Variants in COL7A1 observed in about 807,000 individuals in gnomAD.
The protein encoded by COL7A1 is collagen type VII alpha 1 chain, also known as collagen alpha-1(VII) chain.
Under a neutral mutation model 456.2 loss-of-function variants are expected in COL7A1, and 296 were observed. That is an observed-to-expected ratio of 0.65 (90% confidence interval 0.59 to 0.71). The LOEUF is 0.71. Among genes scored for constraint, COL7A1 ranks in the 30% least tolerant of loss-of-function variants. The pLI is 0.00. For synonymous variants in COL7A1, 1,464 were observed against 1,525.9 expected (o/e 0.96, Z 0.95); for missense variants, 3,441 against 4,017.2 (o/e 0.86, Z 3.88).
chr3:48,571,750 C>T lies in COL7A1; in HGVS notation c.7068+251G>A, dbSNP rs2043934203. The T allele has an allele frequency of 6.3e-6, 4 of 631,994 alleles. No homozygotes were observed. The highest frequency in any genetic ancestry group is 5.4e-5 in the African/African-American group (3 of 55,212). The allele number at this position is 631,994 out of a possible 1,614,324, so 39.1% of individuals were successfully genotyped here. A position where few individuals can be genotyped will look rare whatever the true frequency, so the allele number is the denominator to read the frequency against. On this transcript the variant is annotated intron_variant, in intron 92 of 118. Coordinates refer to ENST00000681320, the MANE Select transcript of COL7A1 (RefSeq NM_000094.4). This position sits in a 1 kb window ranked among gnomAD's most constrained non-coding sequence, Gnocchi z 4.6. ...GGATCTGGGAGATCAGACCAGAGCA[C>T]ACGTGTGCCCAGATGTGGTGAGAAA... is the stretch of plus-strand genomic sequence containing the variant.
chr3:48,580,448 G>T lies in COL7A1; in HGVS notation c.5053-104C>A. On this transcript the variant is annotated intron_variant, in intron 55 of 118. Transcript: ENST00000681320. The surrounding 1 kb of genome is among the most constrained non-coding windows in gnomAD (Gnocchi z 4.5). ...GGGAATGTTGGTAGCCTTCAGATGC[G>T]TGTGTGCAGGGGTCAAAGGAAGTGA... The T allele has an allele frequency of 6.8e-7, 1 of 1,474,606 alleles. No homozygotes were observed. The highest frequency in any genetic ancestry group is 9.4e-7 in the Non-Finnish European group (1 of 1,068,172). 91.3% of individuals were successfully genotyped at this position (1,474,606 alleles called of 1,614,324 possible).
chr3:48,585,072 G>A lies in COL7A1; in HGVS notation c.3939C>T (p.Ala1313=), dbSNP rs141825319. The change falls in exon 33 of 119, where the codon GCC becomes GCT. Residue 1313 remains alanine (A), a synonymous_variant. Transcript: ENST00000681320. This position sits in a 1 kb window ranked among gnomAD's most constrained non-coding sequence, Gnocchi z 4.5. ...ADGRPGSPGR[A]GNPGTPGAPG... The stretch of plus-strand genomic sequence containing the variant: ...GGGCTCCAGGGGTCCCAGGATTCCC[G>A]GCGCGGCCAGGGCTGCCTGGACGCC... 3.7e-5 allele frequency: 59 copies of A among 1,612,252 alleles called. 1 individual carries two copies. Among genetic ancestry groups the A allele is most frequent in the Admixed American group, 1.2e-4 (7 of 59,980 alleles).
At position 48,590,241 on chromosome 3, in the gene COL7A1, G is replaced by C; in HGVS notation, c.2022C>G (p.Gly674=). The stretch of plus-strand genomic sequence containing the variant: ...TTCGAGCCACGATGACTGCAGCAGG[G>C]CCCTCCTCTCTGCCTCGCAGTACCG... The part of the protein sequence containing the change: ...AVSVLRGREE[G]PAAVIVARTD... Residue 674 remains glycine, a synonymous_variant, in exon 16 of 119, where the codon GGC becomes GGG. Coordinates refer to ENST00000681320, the MANE Select transcript of COL7A1 (RefSeq NM_000094.4). This position sits in a 1 kb window ranked among gnomAD's most constrained non-coding sequence, Gnocchi z 4.6. 2.5e-6 allele frequency: 4 copies of C among 1,613,688 alleles called. No individual in the cohort carries two copies. Among genetic ancestry groups the C allele is most frequent in the Non-Finnish European group, 3.4e-6 (4 of 1,179,950 alleles).
Position 48,567,355 on chromosome 3 carries a change from C to T in COL7A1, c.8047-165G>A, listed in dbSNP as rs1160532427. 1 of 968,032 alleles carries T rather than the reference C, an allele frequency of 1.0e-6. No homozygotes were observed. The highest frequency in any genetic ancestry group is 1.6e-6 in the Non-Finnish European group (1 of 626,934). The allele number at this position is 968,032 out of a possible 1,614,324, so 60.0% of individuals were successfully genotyped here. ...CCCATGACTCCAACTCCACTATAGC[C>T]CCCTGCCCTGATGCACATGCCCCCT... On this transcript the variant is annotated intron_variant, in intron 109 of 118. Transcript: ENST00000681320. The surrounding 1 kb of genome is among the most constrained non-coding windows in gnomAD (Gnocchi z 4.3).
chr3:48,565,265 C>T lies in COL7A1; in HGVS notation c.8528-64G>A, dbSNP rs1392033446. ...TGGCCCCGGGGCAAGGTGGGCAGCA[C>T]TGATTTCCACTGTGTGCACACAGTG... On this transcript the variant is annotated intron_variant, in intron 116 of 118. Coordinates refer to ENST00000681320, the MANE Select transcript of COL7A1 (RefSeq NM_000094.4). The surrounding 1 kb of genome is among the most constrained non-coding windows in gnomAD (Gnocchi z 4.5). The T allele has an allele frequency of 6.6e-7, 1 of 1,525,976 alleles. No individual in the cohort carries two copies. Among genetic ancestry groups the T allele is most frequent in the Non-Finnish European group, 9.0e-7 (1 of 1,110,940 alleles). The allele number at this position is 1,525,976 out of a possible 1,614,324, so 94.5% of individuals were successfully genotyped here.
At position 48,581,602 on chromosome 3, in the gene COL7A1, G is replaced by A. The variant is rs1487871071; in HGVS notation, c.4753C>T (p.Pro1585Ser). 3 of 1,614,144 alleles carry A rather than the reference G, an allele frequency of 1.9e-6. No homozygotes were observed. The South Asian group carries it at 3.3e-5, about 18-fold the overall frequency. Residue 1585 changes from proline to serine, a missense_variant, in exon 50 of 119, where the codon CCT becomes TCT. This residue lies in a region of COL7A1 where 2,084 missense variants were observed against 2,501.3 expected (regional missense o/e 0.83). Transcript: ENST00000681320. The surrounding 1 kb of genome is among the most constrained non-coding windows in gnomAD (Gnocchi z 5.8). ...TCTCCAGGGTCTCCCTTGGGGCCAGGGTCTCCAGGAAGAACCAAGCCGGGT... is the reference window on the plus strand; with the variant it reads ...TCTCCAGGGTCTCCCTTGGGGCCAGAGTCTCCAGGAAGAACCAAGCCGGGT... Reference protein sequence around the residue: ...GPPGLVLPGDPGPKGDPGDRG... With the variant: ...GPPGLVLPGDSGPKGDPGDRG...
chr3:48,584,896 G>A lies in COL7A1; in HGVS notation c.4011+14C>T, dbSNP rs1327897528. The A allele has an allele frequency of 6.2e-7, 1 of 1,614,004 alleles. No homozygotes were observed. ...GGAAGACACTTAGAGAGCAAAGAAG[G>A]GAAGGCACCTTACCGGGTCCCCACG... On this transcript the variant is annotated intron_variant, in intron 34 of 118. Transcript: ENST00000681320.
Position 48,565,407 on chromosome 3 carries a change from C to A in COL7A1, c.8527+3G>T. 1 of 1,602,606 alleles carries A rather than the reference C, an allele frequency of 6.2e-7. No homozygotes were observed. Among genetic ancestry groups the A allele is most frequent in the Non-Finnish European group, 8.5e-7 (1 of 1,174,870 alleles). ...GCTGCCCCACGGGTTCAGCTGTCCTCACCTTCCTCCTCTGCATGAGAGACG... is the reference window on the plus strand; with the variant it reads ...GCTGCCCCACGGGTTCAGCTGTCCTAACCTTCCTCCTCTGCATGAGAGACG... On this transcript the variant is annotated splice_donor_region_variant and intron_variant, in intron 116 of 118. Transcript: ENST00000681320. The surrounding 1 kb of genome is among the most constrained non-coding windows in gnomAD (Gnocchi z 4.5).
rs2045804150 is a variant in COL7A1 at position 48,592,826 on chromosome 3, C to T, written c.795G>A (p.Gln265=). 1.2e-6 allele frequency: 2 copies of T among 1,613,834 alleles called. No homozygotes were observed. The highest frequency in any genetic ancestry group is 1.7e-6 in the Non-Finnish European group (2 of 1,180,040). The change falls in exon 7 of 119, where the codon CAG becomes CAA. Residue 265 remains glutamine, a synonymous_variant. Transcript: ENST00000681320. The surrounding 1 kb of genome is among the most constrained non-coding windows in gnomAD (Gnocchi z 7.6). ...GTCCCAGCCCCGTCAGAGGAGTGTA[C>T]TGGACCTTGTAGCCAGTCACAGGGC... ...ASGPVTGYKV[Q]YTPLTGLGQP...
Position 48,566,797 on chromosome 3 carries a change from G to A in COL7A1, c.8227-60C>T. 2 of 1,603,856 alleles carry A rather than the reference G, an allele frequency of 1.2e-6. No homozygotes were observed. The highest frequency in any genetic ancestry group is 1.1e-5 in the South Asian group (1 of 90,806). ...AGGCAGTGGGGATCAGAGTCAGGCAGGTTGGGGGCCACAGCTTCAGAGGTT... is the reference window on the plus strand; with the variant it reads ...AGGCAGTGGGGATCAGAGTCAGGCAAGTTGGGGGCCACAGCTTCAGAGGTT... On this transcript the variant is annotated intron_variant, in intron 111 of 118. Transcript: ENST00000681320. This position sits in a 1 kb window ranked among gnomAD's most constrained non-coding sequence, Gnocchi z 5.9.
In COL7A1 at chr3:48,585,434, C is replaced by CCTCCAGCTGGGCTTCTAGGA; in HGVS notation, c.3894+103_3894+122dup. The stretch of plus-strand genomic sequence containing the variant: ...CCAAAGTCTCTGTGGTGGTTTATAA[C>CCTCCAGCTGGGCTTCTAGGA]CTCCAGCTGGGCTTCTAGGAATTCC... On this transcript the variant is annotated intron_variant, in intron 32 of 118. Transcript: ENST00000681320. This position sits in a 1 kb window ranked among gnomAD's most constrained non-coding sequence, Gnocchi z 4.5. The CCTCCAGCTGGGCTTCTAGGA allele has an allele frequency of 8.4e-7, 1 of 1,191,920 alleles. No homozygotes were observed. Among genetic ancestry groups the CCTCCAGCTGGGCTTCTAGGA allele is most frequent in the Non-Finnish European group, 1.2e-6 (1 of 808,192 alleles). The allele number at this position is 1,191,920 out of a possible 1,614,324, so 73.8% of individuals were successfully genotyped here.
At chr3:48,584,822 G>A (rs757993495) in intron 34 of COL7A1, 53 bp from the exon 35 acceptor site, 46 of 1,613,840 alleles carry the variant, frequency 2.9e-5, no homozygotes, top group East Asian at 4.5e-5. Context: ...GAATGTCAAC[G>A]TGGGCACTGC....
At position 48,586,251 on chromosome 3, in the gene COL7A1, G is replaced by A. The variant is rs879213218; in HGVS notation, c.3551-5C>T. 4.3e-6 allele frequency: 7 copies of A among 1,613,584 alleles called. No individual in the cohort carries two copies. Among genetic ancestry groups the A allele is most frequent in the Middle Eastern group, 1.6e-4 (1 of 6,084 alleles). On this transcript the variant is annotated splice_region_variant and splice_polypyrimidine_tract_variant and intron_variant, in intron 27 of 118. Coordinates refer to ENST00000681320, the MANE Select transcript of COL7A1 (RefSeq NM_000094.4). This position sits in a 1 kb window ranked among gnomAD's most constrained non-coding sequence, Gnocchi z 5.1. ...CCAACATCACCACATTAAGCCCTAA[G>A]GTGGGGTCCAGTGGCTGCATGATAG...
At position 48,569,860 on chromosome 3, in the gene COL7A1, G is replaced by A. The variant is rs780377676; in HGVS notation, c.7521+20C>T. Reference sequence around the variant, plus strand: ...CCACTCACCCCCCCACTCATGCCAGGACCTTCCCCACGTTCCTACCTTCTC... The same window carrying A: ...CCACTCACCCCCCCACTCATGCCAGAACCTTCCCCACGTTCCTACCTTCTC... On this transcript the variant is annotated intron_variant, in intron 100 of 118. Transcript: ENST00000681320. This position sits in a 1 kb window ranked among gnomAD's most constrained non-coding sequence, Gnocchi z 4.9. The A allele has an allele frequency of 4.3e-6, 7 of 1,614,128 alleles. No homozygotes were observed. The East Asian group carries it at 1.1e-4, about 26-fold the overall frequency.
rs1311964506 is a variant in COL7A1, at chr3:48,587,952, TGA to T, written c.2711-15_2711-14del. The T allele has an allele frequency of 6.3e-7, 1 of 1,577,672 alleles. No individual in the cohort carries two copies. Among genetic ancestry groups the T allele is most frequent in the African/African-American group, 1.4e-5 (1 of 74,054 alleles). On this transcript the variant is annotated splice_polypyrimidine_tract_variant and intron_variant, in intron 21 of 118. Coordinates refer to ENST00000681320, the MANE Select transcript of COL7A1 (RefSeq NM_000094.4). The surrounding 1 kb of genome is among the most constrained non-coding windows in gnomAD (Gnocchi z 6.1). ...TGTTCCTGGCCACCTGGGGCAGGCG[TGA>T]GGGTGGGGGCCAAGAGCATGTGGGA...
Position 48,567,039 on chromosome 3 carries a change from A to G in COL7A1, c.8110-16T>C. On this transcript the variant is annotated splice_polypyrimidine_tract_variant and intron_variant, in intron 110 of 118. Coordinates refer to ENST00000681320, the MANE Select transcript of COL7A1 (RefSeq NM_000094.4). The surrounding 1 kb of genome is among the most constrained non-coding windows in gnomAD (Gnocchi z 4.3). ...CTGGGGTTCCCTGGGGAGATATAGG[A>G]CAGAGTCAGTAATCAGAGGCCCCAG... 1 of 1,613,424 alleles carries G rather than the reference A, an allele frequency of 6.2e-7. No homozygotes were observed. The highest frequency in any genetic ancestry group is 8.5e-7 in the Non-Finnish European group (1 of 1,179,628).
At position 48,573,617 on chromosome 3, in the gene COL7A1, G is replaced by C; in HGVS notation, c.6574-60C>G. 2 of 1,613,216 alleles carry C rather than the reference G, an allele frequency of 1.2e-6. No homozygotes were observed. The highest frequency in any genetic ancestry group is 2.2e-5 in the South Asian group (2 of 91,050). ...CAGGGATTAACACAGAGAAGGCCTG[G>C]CTCATCAGCTGTGGCCAATGCCTAT... On this transcript the variant is annotated intron_variant, in intron 82 of 118. Coordinates refer to ENST00000681320, the MANE Select transcript of COL7A1 (RefSeq NM_000094.4). This position sits in a 1 kb window ranked among gnomAD's most constrained non-coding sequence, Gnocchi z 5.5.
chr3:48,574,427 C>T lies in COL7A1; in HGVS notation c.6456+61G>A, dbSNP rs747147890. On this transcript the variant is annotated intron_variant, in intron 79 of 118. Transcript: ENST00000681320. The surrounding 1 kb of genome is among the most constrained non-coding windows in gnomAD (Gnocchi z 5.0). ...GCAGTACAGACCCCAGCCCTGCACACAGGACAATACATGTGAGAGCCACCT... is the reference window on the plus strand; with the variant it reads ...GCAGTACAGACCCCAGCCCTGCACATAGGACAATACATGTGAGAGCCACCT... 8.7e-6 allele frequency: 14 copies of T among 1,613,572 alleles called. No homozygotes were observed. Among genetic ancestry groups the T allele is most frequent in the South Asian group, 1.1e-5 (1 of 91,062 alleles).
chr3:48,593,972 A>G lies in COL7A1; in HGVS notation c.267-276T>C, dbSNP rs1208079067. Among the ~76,000 whole-genome samples the G allele has an allele frequency of 2.6e-5, 4 of 152,232 alleles. No individual in the cohort carries two copies. The highest frequency in any genetic ancestry group is 6.5e-5 in the Admixed American group (1 of 15,286). ...GAACAAGATGCTGCTTAATTAAATA[A>G]TTGCAGGAGGAGGGGTCCAGATGTA... is the stretch of plus-strand genomic sequence containing the variant. On this transcript the variant is annotated intron_variant, in intron 3 of 118. Transcript: ENST00000681320. The surrounding 1 kb of genome is among the most constrained non-coding windows in gnomAD (Gnocchi z 4.4).
Sources: allele counts gnomAD v4.1 joint callset (sites outside exome capture counted in the v4.1 genomes callset), GRCh38; gene constraint gnomAD v4.1.1; regional missense constraint gnomAD v4.1.1; non-coding constraint Gnocchi (gnomAD v3.1); transcripts MANE v1.5; gene names NCBI Gene and HGNC (gene_info 2026-07-23, HGNC 2026-07-21).